Variants in SESTD1 observed in about 807,000 individuals in gnomAD.
SESTD1 encodes SEC14 and spectrin domain containing 1.
A neutral mutation model predicts 101.7 loss-of-function variants in SESTD1; 43 were observed. The ratio of observed to expected loss-of-function variants is 0.42; its 90% CI spans 0.33 to 0.55. The LOEUF (loss-of-function observed/expected upper bound fraction) is 0.55, where lower values mean the gene tolerates loss of function less well. Among genes scored for constraint, SESTD1 ranks in the 20% least tolerant of loss-of-function variants. The pLI is 0.07. For missense variants in SESTD1, 647 were observed against 815.1 expected (o/e 0.79, Z 2.51); for synonymous variants, 283 against 286.8 (o/e 0.99, Z 0.13).
At chr2:179,138,041 A>C (rs2045193305) in intron 9 of SESTD1, among the ~76,000 whole-genome samples, 1 of 152,192 alleles carries the variant, frequency 6.6e-6, no homozygotes, top group Non-Finnish European at 1.5e-5. Flanking sequence ...ACCTGTGAAA[A>C]ACAGAGTACA....
chr2:179,108,314 T>A lies in SESTD1; in HGVS notation c.*1585A>T, dbSNP rs542310138. ...CTCACAGTTATTTCAGAGGATAGCATCTTCAAGGAAGGAGACACTGTCTAG... is the reference window on the plus strand; with the variant it reads ...CTCACAGTTATTTCAGAGGATAGCAACTTCAAGGAAGGAGACACTGTCTAG... On this transcript the variant is annotated 3_prime_UTR_variant, in exon 18 of 18. Coordinates refer to ENST00000428443, the MANE Select transcript of SESTD1 (RefSeq NM_178123.5). The A allele has an allele frequency of 1.3e-5, 2 of 152,290 alleles. No homozygotes were observed. The highest frequency in any genetic ancestry group is 2.1e-4 in the South Asian group (1 of 4,820). The allele number at this position is 152,290 out of a possible 1,614,324, so 9.4% of individuals were successfully genotyped here.
rs2046306095 is a variant in SESTD1, at chr2:179,190,643, A to T, written c.55+1144T>A. 2.0e-5 allele frequency among the ~76,000 whole-genome samples: 3 copies of T among 152,340 alleles called. No homozygotes were observed. In the South Asian group the frequency reaches 6.2e-4, roughly 32 times the overall value. On this transcript the variant is annotated intron_variant, in intron 2 of 17. Coordinates refer to ENST00000428443, the MANE Select transcript of SESTD1 (RefSeq NM_178123.5). The stretch of plus-strand genomic sequence containing the variant: ...ATATTCACAAACTATGCCTCCAACA[A>T]AGGCCTAATACCAAGAATCCATAAT...
chr2:179,121,848 T>C lies in SESTD1; in HGVS notation c.1364A>G (p.Lys455Arg). The C allele has an allele frequency of 6.2e-7, 1 of 1,610,274 alleles. No individual in the cohort carries two copies. Among genetic ancestry groups the C allele is most frequent in the Non-Finnish European group, 8.5e-7 (1 of 1,178,298 alleles). The part of the protein sequence containing the change: ...ISNQASWAYG[K>R]DVTIENKENV... ...TTCTTTATTTTCAATGGTTACATCC[T>C]TTCCATAGGCCCAGGATGCCTGATT... Residue 455 changes from lysine to arginine, a missense_variant, in exon 13 of 18, where the codon AAG becomes AGG. Lys to Arg is a conservative substitution (Grantham distance 26). Coordinates refer to ENST00000428443, the MANE Select transcript of SESTD1 (RefSeq NM_178123.5).
At chr2:179,162,782 C>T (rs1012665092) in intron 5 of SESTD1, among the ~76,000 whole-genome samples, 4 of 147,578 alleles carry the variant, frequency 2.7e-5, no homozygotes, top group Admixed American at 6.8e-5. Flanking sequence ...GGTAGGAGTT[C>T]GAGATCAGCC....
At chr2:179,232,570 C>T (rs944850922) in intron 1 of SESTD1, among the ~76,000 whole-genome samples, 1 of 152,048 alleles carries the variant, frequency 6.6e-6, no homozygotes, top group African/African-American at 2.4e-5. Context: ...TTATTTATTG[C>T]AGTGTCATTT....
chr2:179,198,459 T>C (rs971224504), intron 1 of SESTD1, among the ~76,000 whole-genome samples: 30 of 152,284 alleles, frequency 2.0e-4, no homozygotes, highest in Admixed American at 1.7e-3. Flanking sequence ...GTGGACCTAA[T>C]AGACATCTGC....
intron 4 of SESTD1, among the ~76,000 whole-genome samples, chr2:179,174,691 T>C (rs1333379379): frequency 1.3e-5 from 2 of 151,954 alleles, no homozygotes; most frequent in Non-Finnish European, 2.9e-5. Flanking sequence ...ACCCAAAGAG[T>C]GATTCTAGCC....
intron 1 of SESTD1, among the ~76,000 whole-genome samples, chr2:179,243,849 A>G (rs2047189630): frequency 6.6e-6 from 1 of 151,730 alleles, no homozygotes; most frequent in Non-Finnish European, 1.5e-5. Context: ...CCCTAACTTC[A>G]GCATCATGCA....
chr2:179,213,110 C>T lies in SESTD1; in HGVS notation c.-25-21244G>A, dbSNP rs1294715657. Among the ~76,000 whole-genome samples, 2 of 134,948 alleles carry T rather than the reference C, an allele frequency of 1.5e-5. 1 individual carries two copies. The highest frequency in any genetic ancestry group is 5.9e-5 in the African/African-American group (2 of 34,110). The allele number at this position is 134,948 out of a possible 152,430, so 88.5% of individuals were successfully genotyped here. ...CTTCTCCTACAAAGGATCACAGCTC[C>T]TAGCCAGCAAAGGAACAAAGCTGGA... On this transcript the variant is annotated intron_variant, in intron 1 of 17. Coordinates refer to ENST00000428443, the MANE Select transcript of SESTD1 (RefSeq NM_178123.5).
chr2:179,256,811 CAA>C (rs368195849), intron 1 of SESTD1, among the ~76,000 whole-genome samples: 12 of 76,500 alleles, frequency 1.6e-4, no homozygotes, highest in African/African-American at 2.7e-4. Context: ...GACTCCACCT[CAA>C]AAAAAAAAAA....
chr2:179,149,059 C>CAAAAAAAAAAAAAA (rs66636048), intron 7 of SESTD1, among the ~76,000 whole-genome samples: 2 of 60,410 alleles, frequency 3.3e-5, no homozygotes, highest in Non-Finnish European at 3.1e-5. Context: ...GACTCCGTCT[C>CAAAAAAAAAAAAAA]AAAAAAAAAA....
At chr2:179,113,042 T>C (rs746953864) in intron 16 of SESTD1, among the ~76,000 whole-genome samples, 197 bp from the exon 17 acceptor site, 1 of 152,230 alleles carries the variant, frequency 6.6e-6, no homozygotes, top group Non-Finnish European at 1.5e-5. Context: ...GATTGATCTA[T>C]TATTGGCAAA....
At chr2:179,229,247 T>G (rs541010164) in intron 1 of SESTD1, among the ~76,000 whole-genome samples, 2 of 152,286 alleles carry the variant, frequency 1.3e-5, no homozygotes, top group African/African-American at 4.8e-5. Flanking sequence ...AAGCCATTAC[T>G]TTCCCCAATG....
At chr2:179,204,888 A>T (rs916323306) in intron 1 of SESTD1, among the ~76,000 whole-genome samples, 2 of 135,244 alleles carry the variant, frequency 1.5e-5, no homozygotes, top group African/African-American at 2.9e-5. Context: ...CCAGAAAAAA[A>T]AAAAATTCAA....
At chr2:179,192,497 T>C (rs1245859476) in intron 1 of SESTD1, among the ~76,000 whole-genome samples, 1 of 152,224 alleles carries the variant, frequency 6.6e-6, no homozygotes, top group East Asian at 1.9e-4. Context: ...TTTTACAGTT[T>C]TTAATTTTCC....
chr2:179,135,263 A>C (rs2045114429), intron 9 of SESTD1, among the ~76,000 whole-genome samples: 1 of 152,084 alleles, frequency 6.6e-6, no homozygotes, highest in African/African-American at 2.4e-5. Flanking sequence ...TATTGTTTTT[A>C]AAATACTTCT....
At position 179,208,130 on chromosome 2, in the gene SESTD1, A is replaced by G. The variant is rs1034141814; in HGVS notation, c.-25-16264T>C. Among the ~76,000 whole-genome samples the G allele has an allele frequency of 3.0e-4, 40 of 134,978 alleles. 8 individuals are homozygous for G. Among genetic ancestry groups the G allele is most frequent in the African/African-American group, 1.1e-3 (37 of 34,262 alleles). 88.6% of individuals were successfully genotyped at this position (134,978 alleles called of 152,430 possible). On this transcript the variant is annotated intron_variant, in intron 1 of 17. Transcript: ENST00000428443. Reference sequence around the variant, plus strand: ...TTGAACAAGTAGAAGAAAGGACTTCAGAGCTCAAAGACAAGGCTTTCGAAT... The same window carrying G: ...TTGAACAAGTAGAAGAAAGGACTTCGGAGCTCAAAGACAAGGCTTTCGAAT...
At chr2:179,225,074 G>A (rs907839814) in intron 1 of SESTD1, among the ~76,000 whole-genome samples, 1 of 152,036 alleles carries the variant, frequency 6.6e-6, no homozygotes, top group African/African-American at 2.4e-5. Flanking sequence ...TAGTCTTGTG[G>A]GACTCACCCT....
chr2:179,191,133 C>T (rs2046313723), intron 2 of SESTD1, among the ~76,000 whole-genome samples: 1 of 152,144 alleles, frequency 6.6e-6, no homozygotes, highest in South Asian at 2.1e-4. Context: ...TTCATACGTT[C>T]CTTGCAGCAC....
Sources: allele counts gnomAD v4.1 joint callset (sites outside exome capture counted in the v4.1 genomes callset), GRCh38; gene constraint gnomAD v4.1.1; transcripts MANE v1.5; gene names NCBI Gene and HGNC (gene_info 2026-07-23, HGNC 2026-07-21).